SPMIP4: variants seen among roughly 807,000 people sequenced by gnomAD.
The protein encoded by SPMIP4 is sperm-associated microtubule inner protein 4.
chr7:25,135,788 C>T, the SPMIP4 span: 2 of 1,321,062 alleles, frequency 1.5e-6, no homozygotes, highest in Non-Finnish European at 1.9e-6. Flanking sequence ...TTCAAGAAGT[C>T]ATAACATCAC....
the SPMIP4 span, chr7:25,179,286 G>C: frequency 6.2e-7 from 1 of 1,611,774 alleles, no homozygotes; most frequent in Non-Finnish European, 8.5e-7. Flanking sequence ...GCAACAGTAG[G>C]GCCTGCCGTG....
chr7:25,161,829 T>A, the SPMIP4 span, among the ~76,000 whole-genome samples: 1 of 78,540 alleles, frequency 1.3e-5, no homozygotes. Context: ...CAGATGGATT[T>A]AAAAATCTAA....
the SPMIP4 span, among the ~76,000 whole-genome samples, chr7:25,160,995 A>G: frequency 6.6e-6 from 1 of 152,122 alleles, no homozygotes; most frequent in Non-Finnish European, 1.5e-5. Context: ...TTCTTTAAAC[A>G]CTAAAAACTA....
chr7:25,148,896 A>G, the SPMIP4 span, among the ~76,000 whole-genome samples: 1 of 152,204 alleles, frequency 6.6e-6, no homozygotes, highest in African/African-American at 2.4e-5. Flanking sequence ...AGGTTCAGAG[A>G]CTCTGCCGCC....
At chr7:25,177,037 A>C in the SPMIP4 span, among the ~76,000 whole-genome samples, 1 of 152,262 alleles carries the variant, frequency 6.6e-6, no homozygotes, top group Admixed American at 6.5e-5. Flanking sequence ...ACTATTCTGC[A>C]TAGCTTCAGA....
At chr7:25,179,369 G>A in the SPMIP4 span, 1 of 1,565,188 alleles carries the variant, frequency 6.4e-7, no homozygotes. Flanking sequence ...GGCTTGTCGA[G>A]TCAAGGCAGG....
the SPMIP4 span, among the ~76,000 whole-genome samples, chr7:25,131,825 G>A: frequency 6.6e-6 from 1 of 152,210 alleles, no homozygotes; most frequent in African/African-American, 2.4e-5. This position sits in a 1 kb window ranked among gnomAD's most constrained non-coding sequence, Gnocchi z 4.2. Flanking sequence ...CAGGCACTTA[G>A]CCCTGCAGGA....
At chr7:25,179,182 C>A in the SPMIP4 span, 2 of 1,605,918 alleles carry the variant, frequency 1.2e-6, no homozygotes, top group East Asian at 2.2e-5. Flanking sequence ...TACCTGTCCT[C>A]TGAGGCAGTT....
chr7:25,176,297 T>C, the SPMIP4 span, among the ~76,000 whole-genome samples: 1 of 152,218 alleles, frequency 6.6e-6, no homozygotes, highest in African/African-American at 2.4e-5. This position sits in a 1 kb window ranked among gnomAD's most constrained non-coding sequence, Gnocchi z 4.4. Context: ...CCCTAAATTC[T>C]TGGATTCCTT....
the SPMIP4 span, among the ~76,000 whole-genome samples, chr7:25,134,325 A>G: frequency 1.0e-5 from 1 of 100,268 alleles, no homozygotes; most frequent in South Asian, 3.6e-4. Flanking sequence ...GTAAACTAAC[A>G]CATTTTGTAA....
the SPMIP4 span, chr7:25,142,875 C>G: frequency 1.6e-6 from 2 of 1,272,504 alleles, no homozygotes; most frequent in East Asian, 2.7e-5. Flanking sequence ...AGACCTGATT[C>G]ATGATCTCAG....
At chr7:25,136,747 C>T in the SPMIP4 span, 2 of 1,613,956 alleles carry the variant, frequency 1.2e-6, no homozygotes, top group African/African-American at 2.7e-5. The surrounding 1 kb of genome is among the most constrained non-coding windows in gnomAD (Gnocchi z 5.7). Context: ...GGCAATTCGT[C>T]CTTCCAACGG....
chr7:25,140,512 G>A, the SPMIP4 span, among the ~76,000 whole-genome samples: 11 of 152,108 alleles, frequency 7.2e-5, no homozygotes, highest in African/African-American at 2.7e-4. Context: ...ATGTTGGCCA[G>A]GCTGGTCTCC....
the SPMIP4 span, among the ~76,000 whole-genome samples, chr7:25,160,851 T>C: frequency 9.2e-5 from 14 of 152,222 alleles, no homozygotes; most frequent in Admixed American, 5.2e-4. Flanking sequence ...GCATTTTCTA[T>C]TGATATTTTA....
the SPMIP4 span, among the ~76,000 whole-genome samples, chr7:25,165,284 G>A: frequency 6.6e-6 from 1 of 151,964 alleles, no homozygotes; most frequent in South Asian, 2.1e-4. Flanking sequence ...AGGATGCATT[G>A]GTGATGGTTA....
the SPMIP4 span, chr7:25,179,174 C>T: frequency 6.3e-7 from 1 of 1,597,686 alleles, no homozygotes; most frequent in Non-Finnish European, 8.5e-7. Context: ...TTTTGTTTTA[C>T]CTGTCCTCTG....
the SPMIP4 span, chr7:25,155,010 C>T: frequency 1.9e-6 from 3 of 1,610,486 alleles, no homozygotes; most frequent in Non-Finnish European, 2.5e-6. Context: ...TCACATTTTA[C>T]CTCTTGTCTT....
At chr7:25,176,821 C>A in the SPMIP4 span, among the ~76,000 whole-genome samples, 4 of 152,296 alleles carry the variant, frequency 2.6e-5, no homozygotes, top group South Asian at 6.2e-4. The surrounding 1 kb of genome is among the most constrained non-coding windows in gnomAD (Gnocchi z 4.4). Flanking sequence ...ACGGAAAAAT[C>A]ATTCTTTTTC....
the SPMIP4 span, among the ~76,000 whole-genome samples, chr7:25,147,899 T>C: frequency 4.1e-4 from 63 of 152,304 alleles, no homozygotes; most frequent in South Asian, 6.2e-4. Flanking sequence ...ATTGAAGGAT[T>C]AAGTATGTTA....
Sources: allele counts gnomAD v4.1 joint callset (sites outside exome capture counted in the v4.1 genomes callset), GRCh38; gene constraint gnomAD v4.1.1; non-coding constraint Gnocchi (gnomAD v3.1); transcripts MANE v1.5; gene names NCBI Gene and HGNC (gene_info 2026-07-23, HGNC 2026-07-21).